RAB31: variants seen among roughly 807,000 people sequenced by gnomAD.
RAB31 encodes the protein RAB31, member RAS oncogene family.
Under a neutral mutation model 25.6 loss-of-function variants are expected in RAB31, and 21 were observed. The ratio of observed to expected loss-of-function variants is 0.82; its 90% CI spans 0.58 to 1.18. The LOEUF is 1.18. Ranked by LOEUF, RAB31 falls within the 50% of genes most tolerant of loss-of-function variation. RAB31 has a pLI of 0.00. For synonymous variants in RAB31, 87 were observed against 84.0 expected (o/e 1.04, Z -0.20); for missense variants, 196 against 250.1 (o/e 0.78, Z 1.46).
chr18:9,775,193 T>C, intron 1 of RAB31, 85 bp from the exon 2 acceptor site: 2 of 1,596,050 alleles, frequency 1.3e-6, no homozygotes, highest in Non-Finnish European at 1.7e-6. Context: ...AGTCGTGTCC[T>C]CTGGTAATCT....
At chr18:9,716,167 TGACTCTGGCATTTTTGAA>T (rs1186844849) in intron 1 of RAB31, among the ~76,000 whole-genome samples, 1 of 152,204 alleles carries the variant, frequency 6.6e-6, no homozygotes, top group African/African-American at 2.4e-5. Context: ...TTTTTCCCCA[TGACTCTGGCATTTTTGAA>T]GAAGCCAGGC....
intron 3 of RAB31, among the ~76,000 whole-genome samples, chr18:9,812,977 G>A (rs937474966): frequency 8.0e-5 from 12 of 150,358 alleles, no homozygotes; most frequent in African/African-American, 9.8e-5. Context: ...GATTACAGGC[G>A]TGAGCCACTG....
At chr18:9,749,138 T>G (rs963829692) in intron 1 of RAB31, among the ~76,000 whole-genome samples, 3 of 152,218 alleles carry the variant, frequency 2.0e-5, no homozygotes, top group Non-Finnish European at 4.4e-5. Context: ...TGATATACCT[T>G]GAAGCCTTTT....
intron 1 of RAB31, among the ~76,000 whole-genome samples, chr18:9,709,023 G>A (rs958923053): frequency 6.6e-6 from 1 of 152,228 alleles, no homozygotes; most frequent in Non-Finnish European, 1.5e-5. Context: ...AAAGCCGAGG[G>A]CGCGGCCGGG....
intron 2 of RAB31, among the ~76,000 whole-genome samples, chr18:9,777,513 A>G (rs1003831282): frequency 6.6e-6 from 1 of 152,156 alleles, no homozygotes; most frequent in Non-Finnish European, 1.5e-5. Flanking sequence ...GCGCGCTTGT[A>G]TGATAGGTAT....
intron 1 of RAB31, among the ~76,000 whole-genome samples, chr18:9,764,339 C>T (rs537625545): frequency 6.6e-5 from 10 of 152,156 alleles, no homozygotes; most frequent in Non-Finnish European, 1.0e-4. Flanking sequence ...ACTGCACGTA[C>T]GGTGAATCAG....
chr18:9,792,102 C>T, intron 2 of RAB31, 52 bp from the exon 3 acceptor site: 2 of 1,557,492 alleles, frequency 1.3e-6, no homozygotes, highest in Non-Finnish European at 1.7e-6. Context: ...ATTTGTGAAT[C>T]TTTGTGAAGA....
At chr18:9,798,964 G>A (rs2068500522) in intron 3 of RAB31, among the ~76,000 whole-genome samples, 1 of 152,168 alleles carries the variant, frequency 6.6e-6, no homozygotes, top group African/African-American at 2.4e-5. Flanking sequence ...GGCACTTGTA[G>A]TCCCAGTTAC....
chr18:9,754,548 G>C (rs192050194), intron 1 of RAB31, among the ~76,000 whole-genome samples: 180 of 152,306 alleles, frequency 1.2e-3, no homozygotes, highest in Non-Finnish European at 1.9e-3. Context: ...CCAAAGTGCT[G>C]AGATTACAGG....
chr18:9,831,319 C>T (rs558608169), intron 5 of RAB31, among the ~76,000 whole-genome samples: 131 of 152,300 alleles, frequency 8.6e-4, no homozygotes, highest in African/African-American at 3.0e-3. Flanking sequence ...TGTTGGCTCC[C>T]CTGTCCCTTT....
At chr18:9,800,052 A>C (rs1468002103) in intron 3 of RAB31, among the ~76,000 whole-genome samples, 3 of 152,206 alleles carry the variant, frequency 2.0e-5, no homozygotes, top group Non-Finnish European at 4.4e-5. Context: ...GCAAGGATGT[A>C]CACAGGAGCC....
chr18:9,710,813 AC>A (rs1236360970), intron 1 of RAB31, among the ~76,000 whole-genome samples: 1 of 152,152 alleles, frequency 6.6e-6, no homozygotes, highest in Non-Finnish European at 1.5e-5. Flanking sequence ...AGCCGAAATC[AC>A]GCCACTGCAC....
At chr18:9,853,729 A>C (rs879215217) in intron 6 of RAB31, among the ~76,000 whole-genome samples, 1 of 152,220 alleles carries the variant, frequency 6.6e-6, no homozygotes. Flanking sequence ...ATCAGTTGTT[A>C]CAAATGTTCC....
rs111538438 is a variant in RAB31, at chr18:9,753,716, G to T, written c.40-21562G>T. 2.0e-3 allele frequency among the ~76,000 whole-genome samples: 305 copies of T among 152,244 alleles called. 2 individuals carry two copies. The highest frequency in any genetic ancestry group is 6.7e-3 in the African/African-American group (280 of 41,530). On this transcript the variant is annotated intron_variant, in intron 1 of 6. Coordinates refer to ENST00000578921, the MANE Select transcript of RAB31 (RefSeq NM_006868.4). ...GTATGTACTAGGAGATGAAGGCATG[G>T]GAATTGGCTCTAACCCCATTTCTAC...
At chr18:9,851,741 A>G (rs970748021) in intron 6 of RAB31, among the ~76,000 whole-genome samples, 3 of 152,232 alleles carry the variant, frequency 2.0e-5, no homozygotes, top group African/African-American at 4.8e-5. Flanking sequence ...CAAGTGATTC[A>G]AAAGGATGAC....
chr18:9,771,730 G>A (rs572260961), intron 1 of RAB31, among the ~76,000 whole-genome samples: 1 of 152,166 alleles, frequency 6.6e-6, no homozygotes, highest in Non-Finnish European at 1.5e-5. Flanking sequence ...CCACTTGAGC[G>A]GTCCCAAGCC....
intron 1 of RAB31, among the ~76,000 whole-genome samples, chr18:9,774,594 C>T (rs1288169715): frequency 3.3e-5 from 5 of 152,102 alleles, no homozygotes; most frequent in Non-Finnish European, 2.9e-5. Context: ...ATCTCTTTGA[C>T]TTTGTGAATT....
In RAB31 at chr18:9,859,375, G is replaced by A; in HGVS notation, c.*50G>A. On this transcript the variant is annotated 3_prime_UTR_variant, in exon 7 of 7. Coordinates refer to ENST00000578921, the MANE Select transcript of RAB31 (RefSeq NM_006868.4). ...TTGAAGAAGCCAGAGCCCACATCCT[G>A]TGCACTGCTGAAGGACCCTACGCTC... 6.6e-7 allele frequency: 1 copy of A among 1,505,064 alleles called. No individual in the cohort carries two copies. The highest frequency in any genetic ancestry group is 9.2e-7 in the Non-Finnish European group (1 of 1,083,152). 93.2% of individuals were successfully genotyped at this position (1,505,064 alleles called of 1,614,324 possible). A position where few individuals can be genotyped will look rare whatever the true frequency, so the allele number is the denominator to read the frequency against.
chr18:9,845,669 C>A lies in RAB31; in HGVS notation c.468C>A (p.Ile156=). ...VETSAKNAIN[I]EELFQGISRQ... Reference sequence around the variant, plus strand: ...CAAGTGCAAAAAATGCTATTAATATCGAAGAGCTCTTTCAAGGAATCAGTA... The same window carrying A: ...CAAGTGCAAAAAATGCTATTAATATAGAAGAGCTCTTTCAAGGAATCAGTA... The change falls in exon 6 of 7, where the codon ATC becomes ATA. Residue 156 remains isoleucine, a synonymous_variant. Transcript: ENST00000578921. The A allele has an allele frequency of 6.4e-7, 1 of 1,559,504 alleles. No homozygotes were observed. The highest frequency in any genetic ancestry group is 1.2e-5 in the South Asian group (1 of 83,828).
Sources: gnomAD v4.1 joint callset for allele counts (sites outside exome capture counted in the v4.1 genomes callset) on GRCh38, gnomAD v4.1.1 for gene constraint, MANE v1.5 for transcripts, NCBI Gene and HGNC (gene_info 2026-07-23, HGNC 2026-07-21) for gene names.